The following KCNIP1 variants were observed in gnomAD, a reference collection of about 807,000 sequenced individuals.
KCNIP1 encodes potassium voltage-gated channel interacting protein 1.
KCNIP1 carries 18 observed loss-of-function variants against 33.0 expected under a neutral mutation model. The ratio of observed to expected loss-of-function variants is 0.55; its 90% CI spans 0.38 to 0.81. The LOEUF (loss-of-function observed/expected upper bound fraction) is 0.81, where lower values mean the gene tolerates loss of function less well. Among genes scored for constraint, KCNIP1 ranks in the 30% least tolerant of loss-of-function variants. The pLI, the probability that KCNIP1 is intolerant of heterozygous loss-of-function variation, is 0.00. For missense variants in KCNIP1, 238 were observed against 271.6 expected (o/e 0.88, Z 0.87); for synonymous variants, 93 against 98.3 (o/e 0.95, Z 0.32).
intron 1 of KCNIP1, among the ~76,000 whole-genome samples, chr5:170,589,465 G>T (rs548360405): frequency 6.6e-6 from 1 of 152,296 alleles, no homozygotes; most frequent in East Asian, 1.9e-4. Flanking sequence ...TGTTGTAGAT[G>T]CCAGGAGTAC....
At chr5:170,653,163 C>A (rs1206224970) in intron 1 of KCNIP1, among the ~76,000 whole-genome samples, 2 of 152,306 alleles carry the variant, frequency 1.3e-5, no homozygotes, top group East Asian at 1.9e-4. Context: ...CAGCTATGAA[C>A]CCCATTCCTT....
intron 1 of KCNIP1, among the ~76,000 whole-genome samples, chr5:170,483,366 C>T (rs1470173955): frequency 6.6e-6 from 1 of 152,242 alleles, no homozygotes; most frequent in African/African-American, 2.4e-5. Flanking sequence ...CTGCAGTCAC[C>T]TTCTAAATCC....
chr5:170,505,504 G>C (rs758205469), intron 1 of KCNIP1, among the ~76,000 whole-genome samples: 8 of 152,178 alleles, frequency 5.3e-5, no homozygotes, highest in Non-Finnish European at 7.3e-5. Flanking sequence ...ATGTCACTAC[G>C]AGTGGTAAGA....
upstream of KCNIP1, chr5:170,503,964 C>G: frequency 1.2e-6 from 1 of 827,610 alleles, no homozygotes; most frequent in Non-Finnish European, 1.5e-6. Context: ...CGCCCCCGCC[C>G]CGCCCCTCCG....
At chr5:170,682,560 A>C (rs1024900427) in intron 1 of KCNIP1, among the ~76,000 whole-genome samples, 10 of 152,170 alleles carry the variant, frequency 6.6e-5, no homozygotes, top group African/African-American at 2.4e-4. Context: ...AAATCACCTG[A>C]AATCTGACAA....
intron 6 of KCNIP1, among the ~76,000 whole-genome samples, chr5:170,733,220 T>C (rs1267210800): frequency 1.3e-5 from 2 of 152,164 alleles, no homozygotes; most frequent in African/African-American, 2.4e-5. Context: ...CATTTGTGTC[T>C]GGGAAGTAAG....
At chr5:170,549,586 T>C (rs1446987553) in intron 1 of KCNIP1, among the ~76,000 whole-genome samples, 3 of 152,250 alleles carry the variant, frequency 2.0e-5, no homozygotes, top group Admixed American at 6.5e-5. Flanking sequence ...GATGAAACCA[T>C]TGAACACTTG....
rs143669628 is a variant in KCNIP1 at position 170,363,905 on chromosome 5, A to T, written c.88+9941A>T. On this transcript the variant is annotated intron_variant, in intron 1 of 7. Transcript: ENST00000377360. ...CTCAGGCTCTGGCAGCCACCACTGT[A>T]CTTTCTGTCTCTATTAACTTGACTG... 1.3e-4 allele frequency among the ~76,000 whole-genome samples: 20 copies of T among 151,878 alleles called. 1 individual carries two copies. In the East Asian group the frequency reaches 3.7e-3, roughly 28 times the overall value.
intron 5 of KCNIP1, 96 bp downstream of exon 5, chr5:170,722,916 T>A (rs897459479): frequency 1.3e-6 from 1 of 748,170 alleles, no homozygotes. Context: ...ACTGTCTGAA[T>A]GAGGCAGGCT....
chr5:170,694,859 A>T (rs1762839100), intron 1 of KCNIP1, among the ~76,000 whole-genome samples: 1 of 152,238 alleles, frequency 6.6e-6, no homozygotes, highest in African/African-American at 2.4e-5. Context: ...AAAGCTGTTG[A>T]GTTTAAAGAA....
At chr5:170,652,196 C>T (rs1761068694) in intron 1 of KCNIP1, among the ~76,000 whole-genome samples, 1 of 151,890 alleles carries the variant, frequency 6.6e-6, no homozygotes, top group African/African-American at 2.4e-5. Flanking sequence ...AATAGAAGAC[C>T]TGAAGTTGGC....
chr5:170,529,792 G>T (rs563051718), intron 1 of KCNIP1, among the ~76,000 whole-genome samples: 1 of 152,106 alleles, frequency 6.6e-6, no homozygotes, highest in East Asian at 1.9e-4. Context: ...CTTATAAATG[G>T]CAGAGTTGGA....
At chr5:170,525,337 A>G (rs73313458) in intron 1 of KCNIP1, among the ~76,000 whole-genome samples, 20,853 of 152,210 alleles carry the variant, frequency 0.14, 2,923 homozygotes, top group African/African-American at 0.36. Context: ...CTGTAAATGG[A>G]AGATCATAAT....
chr5:170,394,484 T>A (rs556122447), intron 1 of KCNIP1, among the ~76,000 whole-genome samples: 13 of 150,904 alleles, frequency 8.6e-5, no homozygotes, highest in South Asian at 6.3e-4. Context: ...GGAAAAAAAA[T>A]CTCTCGCTTT....
At chr5:170,431,689 C>CA (rs1288699857) in intron 1 of KCNIP1, among the ~76,000 whole-genome samples, 1 of 152,240 alleles carries the variant, frequency 6.6e-6, no homozygotes, top group African/African-American at 2.4e-5. Context: ...CCCTGGAAGA[C>CA]AGAGGTTGCC....
intron 1 of KCNIP1, among the ~76,000 whole-genome samples, chr5:170,664,579 A>G (rs1389641217): frequency 6.6e-6 from 1 of 152,126 alleles, no homozygotes; most frequent in African/African-American, 2.4e-5. Context: ...TCAAAGTGCT[A>G]GGATTACAGG....
intron 1 of KCNIP1, among the ~76,000 whole-genome samples, chr5:170,589,462 G>A (rs1029937654): frequency 3.9e-5 from 6 of 152,164 alleles, no homozygotes; most frequent in African/African-American, 1.4e-4. Context: ...TATTGTTGTA[G>A]ATGCCAGGAG....
intron 1 of KCNIP1, among the ~76,000 whole-genome samples, chr5:170,598,890 T>TGTGTGTGTGCGC (rs1491473476): frequency 8.8e-4 from 21 of 23,896 alleles, no homozygotes; most frequent in Admixed American, 1.7e-3. Context: ...ATAGCCCCGC[T>TGTGTGTGTGCGC]GTGTGTGTGT....
chr5:170,575,697 C>CA (rs1338344364), intron 1 of KCNIP1, among the ~76,000 whole-genome samples: 1 of 152,148 alleles, frequency 6.6e-6, no homozygotes, highest in Non-Finnish European at 1.5e-5. Flanking sequence ...CCCCTCAGCC[C>CA]ACTTTGCTTC....
Sources: allele counts gnomAD v4.1 joint callset (sites outside exome capture counted in the v4.1 genomes callset), GRCh38; gene constraint gnomAD v4.1.1; transcripts MANE v1.5; gene names NCBI Gene and HGNC (gene_info 2026-07-23, HGNC 2026-07-21).